The following CYFIP1 variants were observed in gnomAD, a reference collection of about 807,000 sequenced individuals.
CYFIP1 encodes the protein cytoplasmic FMR1 interacting protein 1.
CYFIP1 carries 58 observed loss-of-function variants against 163.5 expected under a neutral mutation model. That is an observed-to-expected ratio of 0.35 (90% CI 0.29 to 0.44). CYFIP1 has a LOEUF of 0.44. Ranked by LOEUF, CYFIP1 falls within the 20% of genes least tolerant of loss-of-function variation. CYFIP1 has a pLI of 1.00. For missense variants in CYFIP1, 1,338 were observed against 1,653.8 expected, an observed-to-expected ratio of 0.81 and a Z score of 3.31; for synonymous variants, 663 against 660.7, an observed-to-expected ratio of 1.00 and a Z score of -0.05.
intron 26 of CYFIP1, 121 bp downstream of exon 26, chr15:22,879,792 A>T (rs2059697006): frequency 1.0e-5 from 7 of 696,422 alleles, no homozygotes; most frequent in African/African-American, 3.8e-5. Flanking sequence ...AAAAAAAAAA[A>T]TGATGCACAG....
intron 1 of CYFIP1, among the ~76,000 whole-genome samples, chr15:22,948,655 A>G (rs1456215306): frequency 1.3e-5 from 2 of 152,182 alleles, no homozygotes; most frequent in Admixed American, 6.5e-5. Context: ...TATCCACCCG[A>G]CTTTAAAGCA....
intron 1 of CYFIP1, among the ~76,000 whole-genome samples, chr15:22,957,444 A>G (rs12917128): frequency 0.18 from 27,829 of 151,622 alleles, 2,823 homozygotes; most frequent in Non-Finnish European, 0.21. Context: ...AGACCATCCT[A>G]GCTAACACGG....
In CYFIP1 at chr15:22,927,889, TCGGGGA is replaced by T; in HGVS notation, c.1233+11_1233+16del. ...AGGCAGCTTTGGAGCGGGGCTGGGGTCGGGGACGGGGCCTACCACTTCCATCACGTG... is the reference window on the plus strand; with the variant it reads ...AGGCAGCTTTGGAGCGGGGCTGGGGTCGGGGCCTACCACTTCCATCACGTG... On this transcript the variant is annotated intron_variant, in intron 12 of 30. Coordinates refer to ENST00000617928, the MANE Select transcript of CYFIP1 (RefSeq NM_014608.6). 1 of 1,589,064 alleles carries T rather than the reference TCGGGGA, an allele frequency of 6.3e-7. No individual in the cohort carries two copies. The highest frequency in any genetic ancestry group is 1.1e-5 in the South Asian group (1 of 87,384).
chr15:22,882,398 G>T (rs1566923849), intron 24 of CYFIP1, among the ~76,000 whole-genome samples: 1 of 152,248 alleles, frequency 6.6e-6, no homozygotes, highest in Non-Finnish European at 1.5e-5. Context: ...GGACCTGTTT[G>T]GGTCACGGGC....
rs182675203 is a variant in CYFIP1 at position 22,878,940 on chromosome 15, G to T, written c.3042+973C>A. On this transcript the variant is annotated intron_variant, in intron 26 of 30. Coordinates refer to ENST00000617928, the MANE Select transcript of CYFIP1 (RefSeq NM_014608.6). ...TCACAAAGTCAGGAGTTGGAGACCA[G>T]CCTGGCTAACACGGTGAAACCCCGT... Among the ~76,000 whole-genome samples the T allele has an allele frequency of 4.2e-3, 632 of 152,192 alleles. 12 individuals carry two copies. The highest frequency in any genetic ancestry group is 2.9e-3 in the East Asian group (15 of 5,156).
At chr15:22,902,334 G>A (rs908596283) in intron 22 of CYFIP1, among the ~76,000 whole-genome samples, 5 of 152,158 alleles carry the variant, frequency 3.3e-5, no homozygotes, top group South Asian at 2.1e-4. Context: ...GGAAGGAGGC[G>A]CCTGGCCATC....
chr15:22,917,727 T>C lies in CYFIP1; in HGVS notation c.1674+61A>G, dbSNP rs781590050. The C allele has an allele frequency of 2.6e-6, 4 of 1,511,248 alleles. No homozygotes were observed. Among genetic ancestry groups the C allele is most frequent in the Non-Finnish European group, 2.7e-6 (3 of 1,131,404 alleles). The allele number at this position is 1,511,248 out of a possible 1,614,324, so 93.6% of individuals were successfully genotyped here. ...CCCGGGCCTCACCAGCCCCACCCGCTCACAGCTCAGGGTGGGTCCCCCCAG... is the reference window on the plus strand; with the variant it reads ...CCCGGGCCTCACCAGCCCCACCCGCCCACAGCTCAGGGTGGGTCCCCCCAG... On this transcript the variant is annotated intron_variant, in intron 15 of 30. Coordinates refer to ENST00000617928, the MANE Select transcript of CYFIP1 (RefSeq NM_014608.6). The surrounding 1 kb of genome is among the most constrained non-coding windows in gnomAD (Gnocchi z 4.2).
At chr15:22,894,979 A>G (rs897547538) in intron 22 of CYFIP1, among the ~76,000 whole-genome samples, 1 of 148,120 alleles carries the variant, frequency 6.8e-6, no homozygotes. Flanking sequence ...CCTCAGCCTC[A>G]TGAGTATCTG....
intron 1 of CYFIP1, chr15:22,948,033 T>C (rs868472915): frequency 8.2e-6 from 8 of 979,712 alleles, no homozygotes; most frequent in African/African-American, 3.5e-5. Context: ...CCACATTCTA[T>C]GAAGGAAAGA....
intron 30 of CYFIP1, 54 bp downstream of exon 30, chr15:22,872,771 A>T: frequency 6.4e-7 from 1 of 1,570,080 alleles, no homozygotes; most frequent in Non-Finnish European, 8.7e-7. Flanking sequence ...TAACACAAAG[A>T]AAGTATGCTT....
chr15:22,920,152 A>C (rs68147194), intron 13 of CYFIP1, among the ~76,000 whole-genome samples: 51,432 of 143,460 alleles, frequency 0.36, 9,772 homozygotes, highest in East Asian at 0.54. Flanking sequence ...ATTCAAAATT[A>C]AGGCAGCTTT....
At chr15:22,974,216 C>T (rs1276722242) in intron 1 of CYFIP1, among the ~76,000 whole-genome samples, 1 of 152,108 alleles carries the variant, frequency 6.6e-6, no homozygotes, top group Non-Finnish European at 1.5e-5. Context: ...TCCAAGAGAT[C>T]GCTGTACCCC....
At chr15:22,954,518 G>A (rs184168048) in intron 1 of CYFIP1, among the ~76,000 whole-genome samples, 1 of 152,220 alleles carries the variant, frequency 6.6e-6, no homozygotes, top group African/African-American at 2.4e-5. Flanking sequence ...AGACCTGCAT[G>A]AGCTCGGTCA....
intron 1 of CYFIP1, among the ~76,000 whole-genome samples, chr15:22,954,983 C>CT (rs1199156338): frequency 1.3e-5 from 2 of 152,198 alleles, no homozygotes; most frequent in African/African-American, 2.4e-5. Flanking sequence ...CGGTGGCAGA[C>CT]TGGCTCCGTG....
chr15:22,882,830 C>T (rs927012304), intron 24 of CYFIP1, 38 bp downstream of exon 24: 7 of 1,594,506 alleles, frequency 4.4e-6, no homozygotes, highest in Non-Finnish European at 3.4e-6. Context: ...CCAGGGAATC[C>T]AGGCTGTGTG....
intron 26 of CYFIP1, among the ~76,000 whole-genome samples, chr15:22,878,861 G>A (rs2059662872): frequency 1.3e-5 from 2 of 152,210 alleles, no homozygotes; most frequent in African/African-American, 4.8e-5. Flanking sequence ...AAGAGGCCGG[G>A]CGCAGTGGCT....
chr15:22,976,850 T>C (rs898340208), intron 1 of CYFIP1, among the ~76,000 whole-genome samples: 2 of 152,196 alleles, frequency 1.3e-5, no homozygotes, highest in African/African-American at 4.8e-5. Flanking sequence ...TCAGCTTGTA[T>C]AGTGTTGACT....
chr15:22,911,442 C>T (rs570393420), intron 18 of CYFIP1, among the ~76,000 whole-genome samples: 10 of 152,240 alleles, frequency 6.6e-5, no homozygotes, highest in Admixed American at 3.3e-4. Context: ...GCCTACTGTG[C>T]ACTCCAGGAG....
intron 13 of CYFIP1, among the ~76,000 whole-genome samples, chr15:22,922,602 G>A (rs2061221595): frequency 6.6e-6 from 1 of 152,126 alleles, no homozygotes; most frequent in African/African-American, 2.4e-5. Flanking sequence ...TGGTCTGGAG[G>A]GCCCCTCACA....
Sources: allele counts gnomAD v4.1 joint callset (sites outside exome capture counted in the v4.1 genomes callset), GRCh38; gene constraint gnomAD v4.1.1; non-coding constraint Gnocchi (gnomAD v3.1); transcripts MANE v1.5; gene names NCBI Gene and HGNC (gene_info 2026-07-23, HGNC 2026-07-21).